Variants in C7orf78 observed in about 807,000 individuals in gnomAD.
C7orf78 encodes chromosome 7 open reading frame 78.
the C7orf78 span, among the ~76,000 whole-genome samples, chr7:12,497,937 A>ACCCCT: frequency 3.3e-5 from 5 of 151,794 alleles, no homozygotes; most frequent in Non-Finnish European, 7.4e-5. Context: ...CTGACCCCTG[A>ACCCCT]GCAGCCTAAC....
chr7:12,522,684 T>C, the C7orf78 span, among the ~76,000 whole-genome samples: 1 of 152,182 alleles, frequency 6.6e-6, no homozygotes, highest in Non-Finnish European at 1.5e-5. Flanking sequence ...AGGTTTTATT[T>C]TTGGCTTTTA....
chr7:12,505,047 C>A, the C7orf78 span, among the ~76,000 whole-genome samples: 1 of 151,650 alleles, frequency 6.6e-6, no homozygotes, highest in South Asian at 2.1e-4. Flanking sequence ...AATTTAAAAG[C>A]AGATAACAAA....
the C7orf78 span, among the ~76,000 whole-genome samples, chr7:12,514,249 C>G: frequency 7.2e-4 from 110 of 152,148 alleles, 2 homozygotes; most frequent in African/African-American, 2.4e-3. Context: ...GCACATATAC[C>G]TAGAATTGTT....
chr7:12,496,695 T>A, the C7orf78 span: 1 of 152,246 alleles, frequency 6.6e-6, no homozygotes, highest in Admixed American at 6.5e-5. Flanking sequence ...GGAGTCATAA[T>A]CTATTTTTGT....
At chr7:12,524,220 G>A in the C7orf78 span, among the ~76,000 whole-genome samples, 5 of 152,110 alleles carry the variant, frequency 3.3e-5, no homozygotes, top group Admixed American at 6.6e-5. Flanking sequence ...TATAATGTGG[G>A]TTAATAATGC....
At chr7:12,488,322 T>C in the C7orf78 span, among the ~76,000 whole-genome samples, 1 of 152,038 alleles carries the variant, frequency 6.6e-6, no homozygotes, top group Admixed American at 6.6e-5. Context: ...ATTTCCTATA[T>C]CTGAGAAAGA....
chr7:12,523,005 A>G, the C7orf78 span: 1 of 398,304 alleles, frequency 2.5e-6, no homozygotes, highest in East Asian at 3.6e-5. Context: ...CACATAATAT[A>G]CCATGAGTCT....
the C7orf78 span, among the ~76,000 whole-genome samples, chr7:12,507,832 T>G: frequency 6.6e-6 from 1 of 152,216 alleles, no homozygotes; most frequent in African/African-American, 2.4e-5. Context: ...AACTGTTACT[T>G]GTAGAAACCT....
chr7:12,493,594 G>C, the C7orf78 span, among the ~76,000 whole-genome samples: 2 of 152,190 alleles, frequency 1.3e-5, no homozygotes, highest in South Asian at 2.1e-4. Flanking sequence ...TTTGAGAACC[G>C]ATTTAGTCAC....
At chr7:12,498,921 G>A in the C7orf78 span, among the ~76,000 whole-genome samples, 1 of 151,754 alleles carries the variant, frequency 6.6e-6, no homozygotes, top group Non-Finnish European at 1.5e-5. Flanking sequence ...GAGAGTGGGG[G>A]CCAATATTCA....
chr7:12,518,205 C>G, the C7orf78 span, among the ~76,000 whole-genome samples: 113 of 152,244 alleles, frequency 7.4e-4, no homozygotes, highest in African/African-American at 2.6e-3. Context: ...TGGAGATTTT[C>G]TGGGAAAAGG....
the C7orf78 span, chr7:12,530,948 A>G: frequency 5.0e-6 from 2 of 397,738 alleles, 1 homozygote; most frequent in Non-Finnish European, 8.9e-6. Context: ...AAATTTTAAC[A>G]AGTAAACAAT....
the C7orf78 span, among the ~76,000 whole-genome samples, chr7:12,537,991 G>A: frequency 6.6e-6 from 1 of 152,166 alleles, no homozygotes; most frequent in East Asian, 1.9e-4. Flanking sequence ...TAAGAAATCA[G>A]GAAGTTGGCT....
chr7:12,528,960 C>G, the C7orf78 span: 105 of 398,508 alleles, frequency 2.6e-4, no homozygotes, highest in South Asian at 1.5e-3. Context: ...AAAGATTTAT[C>G]ACCCACAAGC....
the C7orf78 span, among the ~76,000 whole-genome samples, chr7:12,533,785 G>C: frequency 6.6e-6 from 1 of 152,080 alleles, no homozygotes; most frequent in East Asian, 1.9e-4. Flanking sequence ...CAAAGTGCTA[G>C]GATTACAGGC....
the C7orf78 span, among the ~76,000 whole-genome samples, chr7:12,512,090 G>C: frequency 6.6e-6 from 1 of 151,740 alleles, no homozygotes; most frequent in Admixed American, 6.6e-5. Flanking sequence ...TTGTTTATTA[G>C]TTCTAAGAGT....
chr7:12,504,678 C>A, the C7orf78 span: 5 of 151,884 alleles, frequency 3.3e-5, no homozygotes, highest in African/African-American at 1.2e-4. Context: ...AAGATGAATT[C>A]ACTTATGAGA....
chr7:12,505,769 A>G, the C7orf78 span, among the ~76,000 whole-genome samples: 5,237 of 152,202 alleles, frequency 0.034, 318 homozygotes, highest in African/African-American at 0.12. Flanking sequence ...AAGGAAAACT[A>G]TGGTGCACTA....
the C7orf78 span, among the ~76,000 whole-genome samples, chr7:12,535,826 A>G: frequency 6.6e-6 from 1 of 152,232 alleles, no homozygotes; most frequent in Non-Finnish European, 1.5e-5. Context: ...TCCGAAATGC[A>G]GCACAGCAGT....
Sources: gnomAD v4.1 joint callset for allele counts (sites outside exome capture counted in the v4.1 genomes callset) on GRCh38, gnomAD v4.1.1 for gene constraint, MANE v1.5 for transcripts, NCBI Gene and HGNC (gene_info 2026-07-23, HGNC 2026-07-21) for gene names.